ITPR1: variants seen among roughly 807,000 people sequenced by gnomAD.
ITPR1 encodes inositol 1,4,5-trisphosphate receptor type 1, also known as inositol 1,4,5-trisphosphate-gated calcium channel ITPR1.
Under a neutral mutation model 318.4 loss-of-function variants are expected in ITPR1, and 96 were observed. That is an observed-to-expected ratio of 0.30 (90% CI 0.26 to 0.36). ITPR1 has a LOEUF of 0.36. Among genes scored for constraint, ITPR1 ranks in the 10% least tolerant of loss-of-function variants. The probability of loss-of-function intolerance (pLI) is 1.00; values close to 1 mark genes in which losing one functional copy is unlikely to be tolerated. For missense variants in ITPR1, 2,440 were observed against 3,460.2 expected (o/e 0.71, Z 7.40); for synonymous variants, 1,312 against 1,289.9 (o/e 1.02, Z -0.37).
intron 12 of ITPR1, among the ~76,000 whole-genome samples, chr3:4,657,910 AT>A: frequency 6.6e-6 from 1 of 152,260 alleles, no homozygotes; most frequent in Non-Finnish European, 1.5e-5. Flanking sequence ...CGGCTGGAAC[AT>A]TTTTATTGCA....
chr3:4,734,392 A>G (rs1047207177), intron 43 of ITPR1, among the ~76,000 whole-genome samples: 1 of 152,226 alleles, frequency 6.6e-6, no homozygotes, highest in African/African-American at 2.4e-5. Flanking sequence ...TGCTATAGAT[A>G]TAAGGACAAG....
chr3:4,600,448 C>T (rs1202202615), intron 4 of ITPR1, among the ~76,000 whole-genome samples: 1 of 151,944 alleles, frequency 6.6e-6, no homozygotes, highest in African/African-American at 2.4e-5. Context: ...CAGGCTGGAG[C>T]TCGGAAAGGG....
intron 10 of ITPR1, among the ~76,000 whole-genome samples, chr3:4,647,106 A>G (rs894361459): frequency 3.3e-5 from 5 of 151,808 alleles, no homozygotes; most frequent in African/African-American, 1.2e-4. Flanking sequence ...GGAGACTTCT[A>G]TTGCCTGTTC....
At chr3:4,745,517 A>T (rs530076659) in intron 44 of ITPR1, among the ~76,000 whole-genome samples, 3 of 152,272 alleles carry the variant, frequency 2.0e-5, no homozygotes, top group Non-Finnish European at 2.9e-5. Context: ...TGTGCCTCCT[A>T]CAAACGTTTT....
intron 46 of ITPR1, among the ~76,000 whole-genome samples, chr3:4,773,264 C>A (rs951369174): frequency 1.3e-5 from 2 of 152,184 alleles, no homozygotes; most frequent in African/African-American, 4.8e-5. Flanking sequence ...GAGCAACAGG[C>A]AGAGGGCATT....
At chr3:4,838,554 C>T (rs2106547271) in intron 61 of ITPR1, among the ~76,000 whole-genome samples, 1 of 152,296 alleles carries the variant, frequency 6.6e-6, no homozygotes, top group South Asian at 2.1e-4. Context: ...GCCAAAAAAT[C>T]TTACAGACAC....
intron 43 of ITPR1, among the ~76,000 whole-genome samples, chr3:4,734,776 C>T (rs1025431114): frequency 1.3e-5 from 2 of 152,226 alleles, no homozygotes; most frequent in African/African-American, 4.8e-5. Context: ...ATAGGCTGAG[C>T]TTCCTTGAGA....
At chr3:4,762,277 C>T (rs2045508514) in intron 44 of ITPR1, among the ~76,000 whole-genome samples, 2 of 152,220 alleles carry the variant, frequency 1.3e-5, no homozygotes, top group South Asian at 4.1e-4. Context: ...TTTGCCTGAG[C>T]TCCTGGTAGC....
chr3:4,520,295 T>C (rs1308548601), intron 3 of ITPR1, among the ~76,000 whole-genome samples: 1 of 152,234 alleles, frequency 6.6e-6, no homozygotes, highest in African/African-American at 2.4e-5. Context: ...AAGTTAGACT[T>C]AGCAGTCAGG....
intron 4 of ITPR1, chr3:4,596,040 G>A (rs2090782782): frequency 6.6e-6 from 1 of 152,118 alleles, no homozygotes; most frequent in East Asian, 1.9e-4. Context: ...AGGGGGTGGG[G>A]GCGTTTGCTG....
intron 56 of ITPR1, among the ~76,000 whole-genome samples, chr3:4,811,978 A>C (rs1337128138): frequency 6.6e-6 from 1 of 152,052 alleles, no homozygotes; most frequent in Non-Finnish European, 1.5e-5. Context: ...CCATGGAAAA[A>C]TACCCACAAG....
intron 4 of ITPR1, among the ~76,000 whole-genome samples, chr3:4,537,289 A>G (rs1187672143): frequency 1.3e-5 from 2 of 152,190 alleles, no homozygotes; most frequent in Non-Finnish European, 2.9e-5. Flanking sequence ...GTCAAAATTA[A>G]CTACTGATTC....
chr3:4,818,956 G>T (rs574896515), intron 60 of ITPR1, among the ~76,000 whole-genome samples: 4 of 152,272 alleles, frequency 2.6e-5, no homozygotes, highest in East Asian at 3.9e-4. Context: ...GGATAGTGGC[G>T]TGAGGAGCAT....
intron 44 of ITPR1, among the ~76,000 whole-genome samples, chr3:4,741,547 CTTT>C (rs5846335): frequency 2.0e-5 from 3 of 147,936 alleles, no homozygotes; most frequent in Non-Finnish European, 1.5e-5. Context: ...ACACCACACT[CTTT>C]TTTTTTTTTT....
intron 59 of ITPR1, among the ~76,000 whole-genome samples, chr3:4,816,476 C>A (rs984678711): frequency 1.3e-5 from 2 of 152,184 alleles, no homozygotes; most frequent in African/African-American, 4.8e-5. Flanking sequence ...ACCTCCACCT[C>A]CCAGGGTTCA....
intron 4 of ITPR1, among the ~76,000 whole-genome samples, chr3:4,536,253 T>C (rs1441747828): frequency 2.0e-5 from 3 of 152,246 alleles, no homozygotes. Flanking sequence ...CAATTACATA[T>C]TGATACATTT....
chr3:4,688,668 G>A (rs1446427094), intron 31 of ITPR1, 48 bp downstream of exon 31: 2 of 1,577,228 alleles, frequency 1.3e-6, no homozygotes, highest in Non-Finnish European at 8.7e-7. Context: ...GGAGGGCAGG[G>A]AAGAGGGAGG....
intron 44 of ITPR1, among the ~76,000 whole-genome samples, chr3:4,763,404 A>G (rs2045592503): frequency 6.6e-6 from 1 of 152,142 alleles, no homozygotes; most frequent in South Asian, 2.1e-4. Context: ...TAAAAAAAAA[A>G]GAAATGTCTT....
At chr3:4,673,007 G>C (rs1574792078) in intron 20 of ITPR1, 129 bp from the exon 21 acceptor site, 1 of 914,424 alleles carries the variant, frequency 1.1e-6, no homozygotes, top group African/African-American at 1.7e-5. Flanking sequence ...GAGCAATTTA[G>C]GGGTGTTGAT....
Sources: allele counts gnomAD v4.1 joint callset (sites outside exome capture counted in the v4.1 genomes callset), GRCh38; gene constraint gnomAD v4.1.1; transcripts MANE v1.5; gene names NCBI Gene and HGNC (gene_info 2026-07-23, HGNC 2026-07-21).